CNTN5: variants seen among roughly 807,000 people sequenced by gnomAD.
CNTN5 encodes contactin 5.
In CNTN5, 77 loss-of-function variants were observed where a neutral mutation model predicts 129.1. That is an observed-to-expected ratio of 0.60 (90% confidence interval 0.50 to 0.72). CNTN5 has a LOEUF of 0.72. Ranked by LOEUF, CNTN5 falls within the 30% of genes least tolerant of loss-of-function variation. CNTN5 has a pLI of 0.00. For synonymous variants in CNTN5, 509 were observed against 465.6 expected, an observed-to-expected ratio of 1.09 and a Z score of -1.20; for missense variants, 1,478 against 1,328.8, an observed-to-expected ratio of 1.11 and a Z score of -1.75.
intron 1 of CNTN5, among the ~76,000 whole-genome samples, chr11:99,290,702 G>A (rs1275954943): frequency 6.6e-6 from 1 of 151,782 alleles, no homozygotes; most frequent in African/African-American, 2.4e-5. Flanking sequence ...CAATGGAATT[G>A]AAAGGTACAT....
intron 3 of CNTN5, among the ~76,000 whole-genome samples, chr11:99,673,207 AT>A (rs779574606): frequency 2.6e-5 from 4 of 152,214 alleles, no homozygotes; most frequent in Non-Finnish European, 5.9e-5. Context: ...GAGGATGGAC[AT>A]TTGACAAGCT....
chr11:99,718,717 T>A (rs767882547), intron 3 of CNTN5, among the ~76,000 whole-genome samples: 2 of 152,174 alleles, frequency 1.3e-5, no homozygotes, highest in Non-Finnish European at 1.5e-5. Flanking sequence ...AAAATTTTAG[T>A]CTCTATTTAC....
chr11:100,113,559 G>A (rs1389335330), intron 13 of CNTN5, among the ~76,000 whole-genome samples: 1 of 151,360 alleles, frequency 6.6e-6, no homozygotes, highest in Non-Finnish European at 1.5e-5. Flanking sequence ...CAGAGCCTCA[G>A]TATTGTTCAA....
intron 1 of CNTN5, among the ~76,000 whole-genome samples, chr11:99,224,688 TGCTC>T: frequency 8.3e-6 from 1 of 120,604 alleles, no homozygotes. Context: ...GAGACAGTCT[TGCTC>T]TGTCACCCAA....
At chr11:99,485,506 A>G (rs150693856) in intron 2 of CNTN5, among the ~76,000 whole-genome samples, 1,737 of 152,174 alleles carry the variant, frequency 0.011, 22 homozygotes, top group Non-Finnish European at 0.019. Flanking sequence ...GATGTTGACA[A>G]TACAGAAGGT....
At chr11:100,235,318 G>A (rs746771005) in intron 16 of CNTN5, among the ~76,000 whole-genome samples, 2 of 152,146 alleles carry the variant, frequency 1.3e-5, no homozygotes, top group Non-Finnish European at 2.9e-5. Flanking sequence ...GTCATGTGAT[G>A]TAGGAGATCA....
At chr11:100,091,661 T>C (rs1944791466) in intron 13 of CNTN5, among the ~76,000 whole-genome samples, 1 of 151,880 alleles carries the variant, frequency 6.6e-6, no homozygotes, top group Admixed American at 6.6e-5. Context: ...ACTCCTGACC[T>C]TGTGATCCAC....
chr11:99,987,364 AAAAAG>A (rs1172267061), intron 8 of CNTN5, among the ~76,000 whole-genome samples: 1 of 151,994 alleles, frequency 6.6e-6, no homozygotes, highest in African/African-American at 2.4e-5. Context: ...GTTTTACCAA[AAAAAG>A]AAAAGAAAAA....
At chr11:99,428,662 A>G (rs973525283) in intron 2 of CNTN5, among the ~76,000 whole-genome samples, 2 of 152,014 alleles carry the variant, frequency 1.3e-5, no homozygotes, top group Non-Finnish European at 2.9e-5. Context: ...ATTATCTAAC[A>G]TAATATAACT....
intron 1 of CNTN5, among the ~76,000 whole-genome samples, chr11:99,082,133 G>A (rs1196430215): frequency 6.6e-6 from 1 of 151,252 alleles, no homozygotes; most frequent in Non-Finnish European, 1.5e-5. Flanking sequence ...CCCAGGTCCT[G>A]TGTTGCCAAT....
At chr11:100,288,565 A>G (rs1433722477) in intron 18 of CNTN5, among the ~76,000 whole-genome samples, 1 of 152,188 alleles carries the variant, frequency 6.6e-6, no homozygotes, top group Non-Finnish European at 1.5e-5. Context: ...ACCAACGAGA[A>G]CAAAGACACA....
rs894480625 is a variant in CNTN5, at chr11:99,121,145, T to C, written c.-210+99875T>C. 9.9e-5 allele frequency among the ~76,000 whole-genome samples: 15 copies of C among 151,078 alleles called. No homozygotes were observed. In the South Asian group the frequency reaches 2.7e-3, roughly 27 times the overall value. ...GTTCTTTCTTTCTTTCTTTTTTTTT[T>C]TTTTTTTGAGATCGAGTCTCACTCT... On this transcript the variant is annotated intron_variant, in intron 1 of 24. Coordinates refer to ENST00000524871, the MANE Select transcript of CNTN5 (RefSeq NM_014361.4).
intron 1 of CNTN5, among the ~76,000 whole-genome samples, chr11:99,321,535 A>G (rs1865569533): frequency 6.6e-6 from 1 of 152,024 alleles, no homozygotes; most frequent in Non-Finnish European, 1.5e-5. Flanking sequence ...CTCCTTTGAT[A>G]ATAAGTATGG....
intron 2 of CNTN5, among the ~76,000 whole-genome samples, chr11:99,545,762 A>G (rs1392571341): frequency 6.6e-6 from 1 of 152,212 alleles, no homozygotes; most frequent in African/African-American, 2.4e-5. Context: ...GTTCATGCAG[A>G]ACCCTGAACA....
chr11:99,174,367 A>G (rs563956010), intron 1 of CNTN5, among the ~76,000 whole-genome samples: 2 of 152,272 alleles, frequency 1.3e-5, no homozygotes, highest in African/African-American at 4.8e-5. Context: ...AGACTTGGTT[A>G]TATCATTAGC....
chr11:99,177,853 A>G (rs575638652), intron 1 of CNTN5, among the ~76,000 whole-genome samples: 27 of 152,312 alleles, frequency 1.8e-4, no homozygotes, highest in Non-Finnish European at 2.9e-5. Flanking sequence ...GTCATATAAT[A>G]CATGTACATG....
chr11:99,364,414 G>A (rs773485709), intron 2 of CNTN5, among the ~76,000 whole-genome samples: 1 of 152,080 alleles, frequency 6.6e-6, no homozygotes, highest in Non-Finnish European at 1.5e-5. Context: ...AGTACACACA[G>A]TGTTGTTTAA....
At chr11:99,956,453 G>A (rs965298392) in intron 7 of CNTN5, among the ~76,000 whole-genome samples, 3 of 151,964 alleles carry the variant, frequency 2.0e-5, no homozygotes, top group Non-Finnish European at 4.4e-5. Context: ...TGTTTCATAG[G>A]TTTGGGTAAA....
chr11:100,170,479 CATTTTAACTTATTCTTG>C (rs764489629), intron 13 of CNTN5, among the ~76,000 whole-genome samples: 2 of 152,040 alleles, frequency 1.3e-5, no homozygotes, highest in Non-Finnish European at 2.9e-5. Flanking sequence ...ACTCAACCAA[CATTTTAACTTATTCTTG>C]ATTTCCTCAT....
Sources: gnomAD v4.1 joint callset for allele counts (sites outside exome capture counted in the v4.1 genomes callset) on GRCh38, gnomAD v4.1.1 for gene constraint, MANE v1.5 for transcripts, NCBI Gene and HGNC (gene_info 2026-07-23, HGNC 2026-07-21) for gene names.